Variants in GDPD5 observed in about 807,000 individuals in gnomAD.
GDPD5 encodes the protein glycerophosphodiester phosphodiesterase 2.
Under a neutral mutation model 75.1 loss-of-function variants are expected in GDPD5, and 48 were observed. That is an observed-to-expected ratio of 0.64 (90% confidence interval 0.51 to 0.81). GDPD5 has a LOEUF of 0.81. Among genes scored for constraint, GDPD5 ranks in the 40% least tolerant of loss-of-function variants. GDPD5 has a pLI of 0.00. For missense variants in GDPD5, 706 were observed against 822.6 expected (o/e 0.86, Z 1.73); for synonymous variants, 336 against 339.0 (o/e 0.99, Z 0.10).
At chr11:75,496,756 CTTTTT>C (rs998616049) in intron 1 of GDPD5, among the ~76,000 whole-genome samples, 82 of 132,850 alleles carry the variant, frequency 6.2e-4, no homozygotes, top group African/African-American at 2.1e-3. Flanking sequence ...GACTATTTTT[CTTTTT>C]TTTTCTTTTC....
At chr11:75,466,947 C>T (rs1246344965) in intron 3 of GDPD5, among the ~76,000 whole-genome samples, 4 of 152,132 alleles carry the variant, frequency 2.6e-5, no homozygotes, top group Non-Finnish European at 5.9e-5. Flanking sequence ...CCTCAAAACC[C>T]ACCTTGCCCT....
chr11:75,520,924 C>T (rs1950741839), intron 1 of GDPD5, among the ~76,000 whole-genome samples: 1 of 152,254 alleles, frequency 6.6e-6, no homozygotes, highest in Admixed American at 6.5e-5. Flanking sequence ...ATGCTGCCTG[C>T]AGCTCAGGCC....
At chr11:75,479,802 A>T (rs1949865888) in intron 2 of GDPD5, among the ~76,000 whole-genome samples, 2 of 152,264 alleles carry the variant, frequency 1.3e-5, no homozygotes, top group South Asian at 4.2e-4. Context: ...ATGGAATCAT[A>T]CAATATGTGA....
At chr11:75,476,345 T>C (rs1319324614) in intron 3 of GDPD5, among the ~76,000 whole-genome samples, 1 of 151,576 alleles carries the variant, frequency 6.6e-6, no homozygotes, top group Non-Finnish European at 1.5e-5. Flanking sequence ...TCACATGTCA[T>C]GGCCCAGCGG....
chr11:75,505,450 T>G (rs1014625875), intron 1 of GDPD5, among the ~76,000 whole-genome samples: 1 of 151,716 alleles, frequency 6.6e-6, no homozygotes, highest in Non-Finnish European at 1.5e-5. Context: ...CCAGGCCCAC[T>G]CACTGCATGA....
intron 15 of GDPD5, chr11:75,439,464 C>G (rs1009575103): frequency 2.2e-5 from 9 of 417,380 alleles, no homozygotes; most frequent in Non-Finnish European, 4.4e-5. Flanking sequence ...GAATAAAATC[C>G]CAGCCCCTTG....
At position 75,483,809 on chromosome 11, in the gene GDPD5, C is replaced by T. The variant is rs138150665; in HGVS notation, c.-60-6014G>A. Among the ~76,000 whole-genome samples, 382 of 152,292 alleles carry T rather than the reference C, an allele frequency of 2.5e-3. 2 individuals carry two copies. Among genetic ancestry groups the T allele is most frequent in the Admixed American group, 4.5e-3 (69 of 15,298 alleles). The stretch of plus-strand genomic sequence containing the variant: ...GGGCAAATACTGAGACAGAAAGTAG[C>T]TCAGTGAATGCCAGGGGCTGGGAGG... On this transcript the variant is annotated intron_variant, in intron 2 of 16. Coordinates refer to ENST00000336898, the MANE Select transcript of GDPD5 (RefSeq NM_030792.8).
At chr11:75,435,841 C>T (rs574771101) in intron 16 of GDPD5, among the ~76,000 whole-genome samples, 186 bp from the exon 17 acceptor site, 3 of 152,316 alleles carry the variant, frequency 2.0e-5, no homozygotes, top group East Asian at 3.9e-4. Context: ...ACTCTAGCTT[C>T]GCCTTCATCT....
chr11:75,519,595 T>C (rs1294758227), intron 1 of GDPD5, among the ~76,000 whole-genome samples: 1 of 152,216 alleles, frequency 6.6e-6, no homozygotes, highest in African/African-American at 2.4e-5. Flanking sequence ...TTTACACGTA[T>C]AATTCATTTC....
intron 2 of GDPD5, 62 bp from the exon 3 acceptor site, chr11:75,477,857 C>A (rs1592115014): frequency 5.1e-6 from 3 of 592,254 alleles, no homozygotes; most frequent in East Asian, 5.8e-5. Context: ...CACCACACAG[C>A]AAGTCATTGT....
intron 7 of GDPD5, 65 bp from the exon 8 acceptor site, chr11:75,449,675 G>C: frequency 2.7e-6 from 4 of 1,493,930 alleles, no homozygotes; most frequent in Non-Finnish European, 3.7e-6. Flanking sequence ...TGTGTCACCA[G>C]CCTCCTACTT....
At chr11:75,474,620 G>A (rs545794703) in intron 3 of GDPD5, among the ~76,000 whole-genome samples, 2 of 152,054 alleles carry the variant, frequency 1.3e-5, no homozygotes, top group Non-Finnish European at 2.9e-5. Context: ...GGGACTGGGG[G>A]GCAAAGGCTT....
intron 1 of GDPD5, among the ~76,000 whole-genome samples, chr11:75,509,996 A>C (rs545623881): frequency 1.1e-4 from 16 of 152,292 alleles, no homozygotes; most frequent in Non-Finnish European, 2.2e-4. Context: ...TTTCACATAG[A>C]TGGAAGCAGA....
rs141038620 is a variant in GDPD5, at chr11:75,476,657, C to T, written c.117+962G>A. Among the ~76,000 whole-genome samples, 174 of 152,252 alleles carry T rather than the reference C, an allele frequency of 1.1e-3. 1 individual carries two copies. The highest frequency in any genetic ancestry group is 1.9e-3 in the South Asian group (9 of 4,820). ...TTTGGCCACTTGGCTCCTCTGTGGC[C>T]GGGAGTGGGGAGATGGCAATGAATC... On this transcript the variant is annotated intron_variant, in intron 3 of 16. Coordinates refer to ENST00000336898, the MANE Select transcript of GDPD5 (RefSeq NM_030792.8).
At chr11:75,480,119 G>C (rs2135380744) in intron 2 of GDPD5, among the ~76,000 whole-genome samples, 1 of 152,300 alleles carries the variant, frequency 6.6e-6, no homozygotes, top group Middle Eastern at 3.4e-3. Context: ...TGGATCACTT[G>C]AGGTCAGGAG....
intron 1 of GDPD5, among the ~76,000 whole-genome samples, chr11:75,524,397 C>T (rs1361759336): frequency 1.3e-5 from 2 of 152,226 alleles, no homozygotes; most frequent in Admixed American, 6.5e-5. Flanking sequence ...GTGTGCATAC[C>T]TTGAAGGATG....
intron 3 of GDPD5, among the ~76,000 whole-genome samples, chr11:75,477,212 A>C (rs894523804): frequency 6.6e-6 from 1 of 152,022 alleles, no homozygotes; most frequent in Non-Finnish European, 1.5e-5. Flanking sequence ...CCGGTGCCAG[A>C]CCGTGGCCCT....
At chr11:75,459,444 T>C (rs888223672) in intron 4 of GDPD5, among the ~76,000 whole-genome samples, 1 of 151,780 alleles carries the variant, frequency 6.6e-6, no homozygotes, top group Non-Finnish European at 1.5e-5. Context: ...CCTGGGACTA[T>C]AGGCACATAC....
At chr11:75,472,604 T>G (rs1057193140) in intron 3 of GDPD5, among the ~76,000 whole-genome samples, 1 of 152,044 alleles carries the variant, frequency 6.6e-6, no homozygotes, top group Non-Finnish European at 1.5e-5. Context: ...CGTCCGCACA[T>G]GTACGCCTAC....
Sources: allele counts gnomAD v4.1 joint callset (sites outside exome capture counted in the v4.1 genomes callset), GRCh38; gene constraint gnomAD v4.1.1; transcripts MANE v1.5; gene names NCBI Gene and HGNC (gene_info 2026-07-23, HGNC 2026-07-21).